FABP4: variants seen among roughly 807,000 people sequenced by gnomAD.
FABP4 encodes fatty acid-binding protein, adipocyte.
In FABP4, 17 loss-of-function variants were observed where a neutral mutation model predicts 14.6. The observed-to-expected ratio is 1.16, with a 90% CI of 0.80 to 1.74. The LOEUF (loss-of-function observed/expected upper bound fraction) is 1.74, where lower values mean the gene tolerates loss of function less well. FABP4 is among the 40% of genes most tolerant of loss of function. The pLI, the probability that FABP4 is intolerant of heterozygous loss-of-function variation, is 0.00. For missense variants in FABP4, 149 were observed against 160.3 expected, an observed-to-expected ratio of 0.93 and a Z score of 0.38; for synonymous variants, 54 against 54.6, an observed-to-expected ratio of 0.99 and a Z score of 0.05.
In FABP4 at chr8:81,480,498, A is replaced by T. The variant is rs1554572665; in HGVS notation, c.174T>A (p.Phe58Leu). The change falls in exon 2 of 4, where the codon TTT becomes TTA. Residue 58 changes from phenylalanine (F) to leucine (L), a missense_variant. Transcript: ENST00000256104. ...DVITIKSEST[F>L]KNTEISFILG... is the part of the protein sequence containing the mutation. ...GTATGAAGGAAATCTCAGTATTTTT[A>T]AAGGTACTTTCAGATTTAATGGTGA... The T allele has an allele frequency of 1.2e-6, 2 of 1,613,900 alleles. No individual in the cohort carries two copies. Among genetic ancestry groups the T allele is most frequent in the South Asian group, 1.1e-5 (1 of 91,066 alleles).
chr8:81,478,782 C>A lies in FABP4; in HGVS notation c.*83G>T, dbSNP rs944615807. ...TAGTTGCTTGCTAAATCATGGAAAA[C>A]AACAATATCTTTTTGAACAATATAT... On this transcript the variant is annotated 3_prime_UTR_variant, in exon 4 of 4. Coordinates refer to ENST00000256104, the MANE Select transcript of FABP4 (RefSeq NM_001442.3). The A allele has an allele frequency of 7.9e-7, 1 of 1,273,042 alleles. No individual in the cohort carries two copies. The highest frequency in any genetic ancestry group is 1.4e-5 in the South Asian group (1 of 69,696). 78.9% of individuals were successfully genotyped at this position (1,273,042 alleles called of 1,614,324 possible). A position where few individuals can be genotyped will look rare whatever the true frequency, so the allele number is the denominator to read the frequency against.
In FABP4 at chr8:81,479,490, A is replaced by G. The variant is rs1585811049; in HGVS notation, c.272T>C (p.Val91Ala). Reference protein sequence around the residue: ...VKSTITLDGGVLVHVQKWDGK... With the variant: ...VKSTITLDGGALVHVQKWDGK... The stretch of plus-strand genomic sequence containing the variant: ...ATCCCATTTCTGCACATGTACCAGG[A>G]CACCCCCATCTAAGGTTATGGTGCT... Residue 91 changes from valine (V) to alanine (A), a missense_variant, in exon 3 of 4, where the codon GTC (valine) becomes GCC (alanine). Physicochemically the swap from Val to Ala is moderately conservative, Grantham distance 64 (BLOSUM62 0). Transcript: ENST00000256104. The G allele has an allele frequency of 1.9e-6, 3 of 1,613,354 alleles. No homozygotes were observed. The highest frequency in any genetic ancestry group is 2.2e-5 in the East Asian group (1 of 44,860).
intron 3 of FABP4, 97 bp from the exon 4 acceptor site, chr8:81,479,012 A>C: frequency 9.6e-7 from 1 of 1,043,902 alleles, no homozygotes; most frequent in Non-Finnish European, 1.5e-6. Flanking sequence ...TATTCATTCC[A>C]AAGATATTCA....
rs1446986642 is a variant in FABP4, at chr8:81,478,839, T to A, written c.*26A>T. 3.1e-6 allele frequency: 5 copies of A among 1,606,758 alleles called. No individual in the cohort carries two copies. The African/African-American group carries it at 4.0e-5, about 13-fold the overall frequency. ...GAATGTTGTAGAGTTCAATGCGAAC[T>A]TCAGTCCAGGTCAACGTCCCTTGGC... On this transcript the variant is annotated 3_prime_UTR_variant, in exon 4 of 4. Coordinates refer to ENST00000256104, the MANE Select transcript of FABP4 (RefSeq NM_001442.3).
intron 3 of FABP4, 42 bp from the exon 4 acceptor site, chr8:81,478,957 C>A (rs761314038): frequency 2.0e-6 from 3 of 1,517,982 alleles, no homozygotes; most frequent in East Asian, 2.3e-5. Flanking sequence ...CTGGATTAAA[C>A]CATGGATTTA....
chr8:81,481,768 CA>C (rs973207248), intron 1 of FABP4, among the ~76,000 whole-genome samples: 24 of 152,126 alleles, frequency 1.6e-4, no homozygotes, highest in African/African-American at 5.6e-4. Flanking sequence ...TTCGTGAATG[CA>C]GGCAAAACTG....
At chr8:81,482,829 A>C (rs1049482497) in intron 1 of FABP4, among the ~76,000 whole-genome samples, 1 of 152,152 alleles carries the variant, frequency 6.6e-6, no homozygotes, top group African/African-American at 2.4e-5. Context: ...ATAAAGTCAA[A>C]TCTTATCATT....
Position 81,478,685 on chromosome 8 carries a change from C to T in FABP4, c.*180G>A. 1.9e-6 allele frequency: 1 copy of T among 516,142 alleles called. No individual in the cohort carries two copies. Among genetic ancestry groups the T allele is most frequent in the Non-Finnish European group, 3.5e-6 (1 of 288,374 alleles). The allele number at this position is 516,142 out of a possible 1,614,324, so 32.0% of individuals were successfully genotyped here. ...AAGCACAATGAATACATCATTACAT[C>T]ACCTTCTAAATCTAAAAAAAGTTTA... is the stretch of plus-strand genomic sequence containing the variant. On this transcript the variant is annotated 3_prime_UTR_variant, in exon 4 of 4. Transcript: ENST00000256104.
chr8:81,480,706 C>A, intron 1 of FABP4, 108 bp from the exon 2 acceptor site: 4 of 953,972 alleles, frequency 4.2e-6, no homozygotes, highest in East Asian at 2.9e-5. Context: ...AGGAAAAAGG[C>A]ACAGAGAGTT....
chr8:81,479,371 C>T, intron 3 of FABP4, 43 bp downstream of exon 3: 1 of 1,442,320 alleles, frequency 6.9e-7, no homozygotes, highest in Non-Finnish European at 9.8e-7. Flanking sequence ...CATGAGATAA[C>T]CTAGCAGTAA....
intron 1 of FABP4, among the ~76,000 whole-genome samples, chr8:81,482,345 A>T (rs1808092802): frequency 1.3e-5 from 2 of 152,164 alleles, no homozygotes; most frequent in Admixed American, 1.3e-4. Flanking sequence ...CCTGAGTGAG[A>T]AGTTGTCTTT....
At chr8:81,480,768 T>TAAATAA (rs773886233) in intron 1 of FABP4, among the ~76,000 whole-genome samples, 170 bp from the exon 2 acceptor site, 1,610 of 130,280 alleles carry the variant, frequency 0.012, 29 homozygotes, top group East Asian at 0.068. Flanking sequence ...GGCCAATACT[T>TAAATAA]AAAAAAAAAA....
intron 1 of FABP4, 30 bp from the exon 2 acceptor site, chr8:81,480,628 T>C: frequency 2.5e-6 from 4 of 1,588,108 alleles, no homozygotes; most frequent in Non-Finnish European, 3.4e-6. Context: ...AGATGTCAGA[T>C]TTACATTTTC....
intron 1 of FABP4, 71 bp from the exon 2 acceptor site, chr8:81,480,669 G>GC: frequency 1.4e-6 from 2 of 1,440,236 alleles, no homozygotes; most frequent in Non-Finnish European, 1.9e-6. Flanking sequence ...CAGAGAATGT[G>GC]TGTGTGCACA....
rs1298764555 is a variant in FABP4, at chr8:81,480,599, C to A, written c.74-1G>T. On this transcript the variant is annotated splice_acceptor_variant, in intron 1 of 3. Coordinates refer to ENST00000256104, the MANE Select transcript of FABP4 (RefSeq NM_001442.3). LOFTEE classifies it high-confidence loss of function. ...ACTTTCCTGGTGGCAAAGCCCACTC[C>A]TACAGTTAGGAAAAGAAAAGATGTC... 6.2e-7 allele frequency: 1 copy of A among 1,603,528 alleles called. No homozygotes were observed.
Position 81,478,980 on chromosome 8 carries a change from C to T in FABP4, c.349-65G>A. On this transcript the variant is annotated intron_variant, in intron 3 of 3. Coordinates refer to ENST00000256104, the MANE Select transcript of FABP4 (RefSeq NM_001442.3). ...AACCATGGATTTATTTATTGTCTCT[C>T]TGAATGTTGGGAATAAAACAATATT... 15 of 1,356,954 alleles carry T rather than the reference C, an allele frequency of 1.1e-5. No homozygotes were observed. The South Asian group carries it at 1.7e-4, about 15-fold the overall frequency. The allele number at this position is 1,356,954 out of a possible 1,614,324, so 84.1% of individuals were successfully genotyped here.
intron 2 of FABP4, 105 bp downstream of exon 2, chr8:81,480,321 G>A (rs1265962181): frequency 5.9e-5 from 67 of 1,133,100 alleles, no homozygotes; most frequent in Non-Finnish European, 5.0e-6. Flanking sequence ...GGGATCTTTG[G>A]CTTATGATAA....
chr8:81,478,971 A>G, intron 3 of FABP4, 56 bp from the exon 4 acceptor site: 2 of 1,412,094 alleles, frequency 1.4e-6, no homozygotes, highest in South Asian at 1.2e-5. Flanking sequence ...GGATTTATTT[A>G]TTGTCTCTCT....
rs1329606382 is a variant in FABP4, at chr8:81,480,497, T to G, written c.175A>C (p.Lys59Gln). 6.2e-7 allele frequency: 1 copy of G among 1,613,812 alleles called. No individual in the cohort carries two copies. Among genetic ancestry groups the G allele is most frequent in the Non-Finnish European group, 8.5e-7 (1 of 1,179,866 alleles). The change falls in exon 2 of 4, where the codon AAA becomes CAA. Residue 59 changes from lysine (K) to glutamine (Q), a missense_variant. Lys to Gln is a moderately conservative substitution (Grantham distance 53). Coordinates refer to ENST00000256104, the MANE Select transcript of FABP4 (RefSeq NM_001442.3). ...AGTATGAAGGAAATCTCAGTATTTT[T>G]AAAGGTACTTTCAGATTTAATGGTG... ...VITIKSESTF[K>Q]NTEISFILGQ...
Sources: allele counts gnomAD v4.1 joint callset (sites outside exome capture counted in the v4.1 genomes callset), GRCh38; gene constraint gnomAD v4.1.1; transcripts MANE v1.5; gene names NCBI Gene and HGNC (gene_info 2026-07-23, HGNC 2026-07-21).